The following EPB41 variants were observed in gnomAD, a reference collection of about 807,000 sequenced individuals.
EPB41 encodes the protein protein 4.1.
EPB41 carries 65 observed loss-of-function variants against 108.0 expected under a neutral mutation model. The ratio of observed to expected loss-of-function variants is 0.60; its 90% CI spans 0.49 to 0.74. The LOEUF (loss-of-function observed/expected upper bound fraction) is 0.74. Ranked by LOEUF, EPB41 falls within the 30% of genes least tolerant of loss-of-function variation. The pLI, the probability that EPB41 is intolerant of heterozygous loss-of-function variation, is 0.00. For synonymous variants in EPB41, 336 were observed against 358.9 expected, an observed-to-expected ratio of 0.94 and a Z score of 0.72; for missense variants, 875 against 1,037.0, an observed-to-expected ratio of 0.84 and a Z score of 2.15.
chr1:29,070,804 A>G (rs531901812), intron 16 of EPB41: 19 of 875,778 alleles, frequency 2.2e-5, no homozygotes, highest in Non-Finnish European at 2.7e-5. Flanking sequence ...AGGAGTAGCA[A>G]TGGACTGCCC....
intron 16 of EPB41, 37 bp from the exon 17 acceptor site, chr1:29,097,770 G>GAAAT (rs1376814676): frequency 1.6e-5 from 26 of 1,612,402 alleles, no homozygotes; most frequent in Non-Finnish European, 2.1e-5. Flanking sequence ...ATTGCCTTCA[G>GAAAT]AAATACTCTA....
chr1:28,942,881 T>G (rs2094347887), intron 1 of EPB41, among the ~76,000 whole-genome samples: 1 of 152,166 alleles, frequency 6.6e-6, no homozygotes, highest in African/African-American at 2.4e-5. Context: ...ACTTTGGAGA[T>G]TCCAAGGGTT....
intron 2 of EPB41, among the ~76,000 whole-genome samples, chr1:28,988,290 TTTTA>T (rs1358246730): frequency 6.6e-6 from 1 of 152,200 alleles, no homozygotes. Context: ...AAGTACTTGG[TTTTA>T]TTTCTTACTA....
At chr1:29,003,405 C>T (rs573759378) in intron 4 of EPB41, among the ~76,000 whole-genome samples, 2 of 152,312 alleles carry the variant, frequency 1.3e-5, no homozygotes, top group South Asian at 2.1e-4. Flanking sequence ...TTGCCTGCTG[C>T]CCCTTCCTAA....
chr1:29,020,373 C>T (rs2096629181), intron 7 of EPB41, among the ~76,000 whole-genome samples: 1 of 151,794 alleles, frequency 6.6e-6, no homozygotes, highest in Non-Finnish European at 1.5e-5. Context: ...GGTTATGATT[C>T]TCAACATTTA....
chr1:29,096,611 A>G, intron 16 of EPB41: 5 of 983,672 alleles, frequency 5.1e-6, no homozygotes, highest in Non-Finnish European at 6.0e-6. Flanking sequence ...CCAGGTAGTA[A>G]TTTATTCAAT....
chr1:28,964,148 T>C (rs2095299279), intron 1 of EPB41, among the ~76,000 whole-genome samples: 1 of 152,154 alleles, frequency 6.6e-6, no homozygotes, highest in African/African-American at 2.4e-5. Flanking sequence ...TTTAACATCG[T>C]CTAATGGCAG....
intron 11 of EPB41, among the ~76,000 whole-genome samples, chr1:29,051,612 C>G (rs557854990): frequency 9.2e-4 from 140 of 151,944 alleles, no homozygotes; most frequent in Non-Finnish European, 1.4e-3. Context: ...ATATAAGAGT[C>G]TTGGCTGGGA....
chr1:28,932,132 G>GT (rs551501689), intron 1 of EPB41, among the ~76,000 whole-genome samples: 4 of 151,146 alleles, frequency 2.6e-5, no homozygotes, highest in South Asian at 2.1e-4. Flanking sequence ...TTTGTTTTTT[G>GT]TTTTTTTTGA....
intron 16 of EPB41, among the ~76,000 whole-genome samples, chr1:29,088,111 A>T (rs560309711): frequency 1.4e-5 from 2 of 144,748 alleles, no homozygotes; most frequent in South Asian, 4.3e-4. Flanking sequence ...CAGTGGCACG[A>T]TTTCAGCTCA....
intron 1 of EPB41, among the ~76,000 whole-genome samples, chr1:28,904,863 CT>C (rs1444846613): frequency 6.6e-6 from 1 of 151,868 alleles, no homozygotes; most frequent in African/African-American, 2.4e-5. Flanking sequence ...GAAACCCCAT[CT>C]CTAAAAATAC....
chr1:29,080,530 T>A (rs1656152890), intron 16 of EPB41, among the ~76,000 whole-genome samples: 1 of 151,378 alleles, frequency 6.6e-6, no homozygotes, highest in Admixed American at 6.6e-5. Flanking sequence ...CACCTCAGCC[T>A]CCCAAGTTGC....
intron 1 of EPB41, among the ~76,000 whole-genome samples, chr1:28,966,399 T>A (rs1486694168): frequency 6.6e-6 from 1 of 152,212 alleles, no homozygotes; most frequent in Non-Finnish European, 1.5e-5. Flanking sequence ...CTTATCAAAA[T>A]CAGTCTTTCT....
chr1:29,093,795 C>T lies in EPB41; in HGVS notation c.2185-4012C>T, dbSNP rs558751270. On this transcript the variant is annotated intron_variant, in intron 16 of 20. Transcript: ENST00000343067. ...TGGCACACACCTGTAGTCTCAGCTA[C>T]TCTGGAGGCTGACGCAGGAGAATCG... Among the ~76,000 whole-genome samples the T allele has an allele frequency of 4.6e-5, 7 of 152,306 alleles. No homozygotes were observed. In the East Asian group the frequency reaches 1.2e-3, roughly 25 times the overall value.
chr1:29,086,115 A>T (rs1348807654), intron 16 of EPB41, among the ~76,000 whole-genome samples: 4 of 152,218 alleles, frequency 2.6e-5, no homozygotes, highest in Non-Finnish European at 5.9e-5. Flanking sequence ...CTGAAACCAG[A>T]TACAAGTGCT....
rs1349298958 is a variant in EPB41 at position 29,112,434 on chromosome 1, A to G, written c.2482A>G (p.Ile828Val). ...AATTGTGATCACAGGAGATGCTGATATTGACCATGATCAGGTGGGAATGTT... is the reference window on the plus strand; with the variant it reads ...AATTGTGATCACAGGAGATGCTGATGTTGACCATGATCAGGTGGGAATGTT... The part of the protein sequence containing the change: ...KRIVITGDAD[I>V]DHDQVLVQAI... Residue 828 changes from isoleucine (I) to valine (V), a missense_variant, in exon 19 of 21, where the codon ATT becomes GTT. Physicochemically the swap from Ile to Val is conservative, Grantham distance 29 (BLOSUM62 3). This residue lies in a region of EPB41 where 519 missense variants were observed against 627.3 expected (regional missense o/e 0.83). Coordinates refer to ENST00000343067, the MANE Select transcript of EPB41 (RefSeq NM_001376013.1). 5 of 1,613,902 alleles carry G rather than the reference A, an allele frequency of 3.1e-6. No individual in the cohort carries two copies. Among genetic ancestry groups the G allele is most frequent in the Non-Finnish European group, 4.2e-6 (5 of 1,179,834 alleles).
At chr1:28,922,199 A>T (rs1432513406) in intron 1 of EPB41, among the ~76,000 whole-genome samples, 2 of 151,166 alleles carry the variant, frequency 1.3e-5, no homozygotes, top group Admixed American at 6.6e-5. Context: ...CGAACTCCTG[A>T]CCTCCTGGTC....
At chr1:29,085,824 T>G (rs1185486235) in intron 16 of EPB41, among the ~76,000 whole-genome samples, 1 of 152,152 alleles carries the variant, frequency 6.6e-6, no homozygotes, top group Non-Finnish European at 1.5e-5. Context: ...AGTGCTGGGA[T>G]TAAAGGCGTG....
intron 1 of EPB41, among the ~76,000 whole-genome samples, chr1:28,904,829 C>A (rs1471056460): frequency 1.3e-5 from 2 of 151,846 alleles, no homozygotes; most frequent in African/African-American, 4.8e-5. Flanking sequence ...GTCAGGAGAT[C>A]GAGACCATCC....
Sources: allele counts gnomAD v4.1 joint callset (sites outside exome capture counted in the v4.1 genomes callset), GRCh38; gene constraint gnomAD v4.1.1; regional missense constraint gnomAD v4.1.1; transcripts MANE v1.5; gene names NCBI Gene and HGNC (gene_info 2026-07-23, HGNC 2026-07-21).